The following TPH2 variants were observed in gnomAD, a reference collection of about 807,000 sequenced individuals.
The protein encoded by TPH2 is tryptophan hydroxylase 2.
Under a neutral mutation model 59.1 loss-of-function variants are expected in TPH2, and 27 were observed. The observed-to-expected ratio is 0.46, with a 90% CI of 0.34 to 0.63. The LOEUF is 0.63. Among genes scored for constraint, TPH2 ranks in the 30% least tolerant of loss-of-function variants. The probability of loss-of-function intolerance (pLI) is 0.01; values close to 1 mark genes in which losing one functional copy is unlikely to be tolerated. For synonymous variants in TPH2, 220 were observed against 210.5 expected (o/e 1.05, Z -0.39); for missense variants, 523 against 588.3 (o/e 0.89, Z 1.15).
intron 8 of TPH2, among the ~76,000 whole-genome samples, chr12:72,018,007 ATAACT>A (rs1433997890): frequency 1.3e-5 from 2 of 152,248 alleles, no homozygotes; most frequent in African/African-American, 4.8e-5. Flanking sequence ...AATTTTGCTA[ATAACT>A]TAATTTCAGA....
At chr12:71,997,607 A>G (rs1028239272) in intron 8 of TPH2, among the ~76,000 whole-genome samples, 17 of 152,260 alleles carry the variant, frequency 1.1e-4, no homozygotes, top group African/African-American at 3.6e-4. Context: ...AGAGAACATT[A>G]GGCCATTAAT....
rs1234735969 is a variant in TPH2 at position 71,939,065 on chromosome 12, G to A, written c.79G>A (p.Glu27Lys). The change falls in exon 1 of 11, where the codon GAG becomes AAG. Residue 27 changes from glutamate (E) to lysine (K), a missense_variant. Physicochemically the swap from Glu to Lys is moderately conservative, Grantham distance 56 (BLOSUM62 1). Coordinates refer to ENST00000333850, the MANE Select transcript of TPH2 (RefSeq NM_173353.4). The stretch of plus-strand genomic sequence containing the variant: ...TTCCCTGGATTCAGCAGTGCCCGAA[G>A]AGCATCAGCTACTTGGCAGCTCAAC... ...GFSLDSAVPEEHQLLGSSTLN... is the reference protein window; with the variant it reads ...GFSLDSAVPEKHQLLGSSTLN... 1 of 1,613,964 alleles carries A rather than the reference G, an allele frequency of 6.2e-7. No individual in the cohort carries two copies. The highest frequency in any genetic ancestry group is 2.2e-5 in the East Asian group (1 of 44,888).
intron 6 of TPH2, among the ~76,000 whole-genome samples, chr12:71,975,385 G>T (rs2367899): frequency 0.84 from 127,617 of 152,026 alleles, 53,697 homozygotes; most frequent in East Asian, 0.96. Context: ...TATTCTCACT[G>T]TTGGGGTGTA....
At chr12:72,000,249 A>G (rs1021264072) in intron 8 of TPH2, among the ~76,000 whole-genome samples, 3 of 152,244 alleles carry the variant, frequency 2.0e-5, no homozygotes, top group South Asian at 2.1e-4. Context: ...CCTTGAGGTT[A>G]TCTTTTCTAC....
rs11179001 is a variant in TPH2 at position 71,944,865 on chromosome 12, G to A, written c.540+179G>A. Among the ~76,000 whole-genome samples the A allele has an allele frequency of 0.088, 13,378 of 152,202 alleles. 698 individuals carry two copies. The highest frequency in any genetic ancestry group is 0.18 in the East Asian group (920 of 5,176). Reference sequence around the variant, plus strand: ...CCCTGTACACGTGTTGACTGGAAGCGGGTTAGAAGGATGGTATTTTCACAT... The same window carrying A: ...CCCTGTACACGTGTTGACTGGAAGCAGGTTAGAAGGATGGTATTTTCACAT... On this transcript the variant is annotated intron_variant, in intron 4 of 10. Coordinates refer to ENST00000333850, the MANE Select transcript of TPH2 (RefSeq NM_173353.4).
At chr12:72,012,385 G>C (rs1421172922) in intron 8 of TPH2, among the ~76,000 whole-genome samples, 2 of 152,138 alleles carry the variant, frequency 1.3e-5, no homozygotes, top group African/African-American at 4.8e-5. Flanking sequence ...GCAATGACAA[G>C]AGCATTCCAA....
At chr12:72,000,304 A>G (rs1872790220) in intron 8 of TPH2, among the ~76,000 whole-genome samples, 1 of 152,222 alleles carries the variant, frequency 6.6e-6, no homozygotes, top group Admixed American at 6.5e-5. Flanking sequence ...ATAATTTGCA[A>G]TTTGTCAGTC....
At chr12:72,017,290 A>C (rs1037345743) in intron 8 of TPH2, among the ~76,000 whole-genome samples, 3 of 152,134 alleles carry the variant, frequency 2.0e-5, no homozygotes, top group Non-Finnish European at 4.4e-5. Context: ...CATTTTCCTA[A>C]GCACACTCAC....
chr12:71,990,923 A>G (rs1252290266), intron 7 of TPH2, among the ~76,000 whole-genome samples: 2 of 152,248 alleles, frequency 1.3e-5, no homozygotes, highest in Admixed American at 6.5e-5. Flanking sequence ...TAATTCTGCT[A>G]GACAACTCGC....
At chr12:72,029,023 A>G (rs1873645762) in intron 9 of TPH2, among the ~76,000 whole-genome samples, 1 of 152,168 alleles carries the variant, frequency 6.6e-6, no homozygotes, top group East Asian at 1.9e-4. Context: ...TATCCAGTGG[A>G]ATTGTCACAA....
chr12:72,010,476 A>G (rs994960707), intron 8 of TPH2, among the ~76,000 whole-genome samples: 12 of 152,150 alleles, frequency 7.9e-5, no homozygotes, highest in African/African-American at 2.9e-4. Flanking sequence ...GGTGATGGTT[A>G]GTGACTAGAA....
chr12:71,995,035 AG>A (rs1872661196), intron 8 of TPH2, among the ~76,000 whole-genome samples: 1 of 152,178 alleles, frequency 6.6e-6, no homozygotes. Flanking sequence ...ATGATAAAGT[AG>A]GGGTTGCACC....
At chr12:71,940,364 A>C (rs1171125088) in intron 1 of TPH2, among the ~76,000 whole-genome samples, 1 of 152,144 alleles carries the variant, frequency 6.6e-6, no homozygotes, top group Non-Finnish European at 1.5e-5. Context: ...ATAAATAATA[A>C]AATCTCCATC....
At chr12:71,988,889 C>T (rs557604262) in intron 7 of TPH2, among the ~76,000 whole-genome samples, 3 of 152,098 alleles carry the variant, frequency 2.0e-5, no homozygotes, top group African/African-American at 7.2e-5. Flanking sequence ...AAGATTATGC[C>T]TTATTTACTT....
At chr12:72,026,990 A>C (rs1327388224) in intron 9 of TPH2, among the ~76,000 whole-genome samples, 1 of 151,820 alleles carries the variant, frequency 6.6e-6, no homozygotes, top group Non-Finnish European at 1.5e-5. Context: ...GTGAGTGTAA[A>C]GTGTTTGCAA....
intron 7 of TPH2, among the ~76,000 whole-genome samples, chr12:71,983,071 A>T (rs1024114893): frequency 2.0e-5 from 3 of 150,488 alleles, no homozygotes; most frequent in Non-Finnish European, 4.4e-5. Context: ...ATAAAAATAA[A>T]AAAAAAAAAG....
chr12:71,982,079 C>T (rs1191416469), intron 7 of TPH2, among the ~76,000 whole-genome samples: 4 of 133,050 alleles, frequency 3.0e-5, no homozygotes, highest in Admixed American at 1.7e-4. Flanking sequence ...TCTCAGCTCA[C>T]GGCAACCTCT....
chr12:71,962,258 G>A, intron 5 of TPH2: 1 of 985,342 alleles, frequency 1.0e-6, no homozygotes, highest in Non-Finnish European at 1.2e-6. Flanking sequence ...GTTTTTGTTT[G>A]TAAAAAAATA....
chr12:72,009,445 C>T (rs1410804411), intron 8 of TPH2, among the ~76,000 whole-genome samples: 1 of 152,160 alleles, frequency 6.6e-6, no homozygotes, highest in Admixed American at 6.5e-5. Flanking sequence ...ATAATGCAAA[C>T]ATAAGTAGAA....
Sources: gnomAD v4.1 joint callset for allele counts (sites outside exome capture counted in the v4.1 genomes callset) on GRCh38, gnomAD v4.1.1 for gene constraint, MANE v1.5 for transcripts, NCBI Gene and HGNC (gene_info 2026-07-23, HGNC 2026-07-21) for gene names.